CCDC146: variants seen among roughly 807,000 people sequenced by gnomAD.
CCDC146 encodes the protein coiled-coil domain-containing protein 146.
A neutral mutation model predicts 119.3 loss-of-function variants in CCDC146; 92 were observed. That is an observed-to-expected ratio of 0.77 (90% CI 0.65 to 0.92). CCDC146 has a LOEUF of 0.92. CCDC146 is among the 40% of genes least tolerant of loss of function. CCDC146 has a pLI of 0.00. For synonymous variants in CCDC146, 372 were observed against 371.8 expected (o/e 1.00, Z -0.01); for missense variants, 1,000 against 1,103.0 (o/e 0.91, Z 1.32).
At chr7:77,266,488 T>C (rs1793404912) in intron 9 of CCDC146, among the ~76,000 whole-genome samples, 1 of 152,174 alleles carries the variant, frequency 6.6e-6, no homozygotes, top group African/African-American at 2.4e-5. Flanking sequence ...AAAAAATGAG[T>C]GACTGCAAAT....
chr7:77,293,223 C>A, intron 18 of CCDC146, 23 bp downstream of exon 18: 1 of 1,609,854 alleles, frequency 6.2e-7, no homozygotes. Context: ...TCCTGTATTG[C>A]ATTTCTAAAG....
chr7:77,135,457 AAGAG>A (rs752064073), intron 1 of CCDC146, among the ~76,000 whole-genome samples: 5 of 152,122 alleles, frequency 3.3e-5, no homozygotes, highest in East Asian at 1.9e-4. Context: ...TGAAAAAAAA[AAGAG>A]AGAGAAAGAA....
At chr7:77,284,823 G>A (rs569784338) in intron 15 of CCDC146, among the ~76,000 whole-genome samples, 3 of 151,922 alleles carry the variant, frequency 2.0e-5, no homozygotes, top group African/African-American at 4.8e-5. Context: ...CTGCTCTACC[G>A]GAGTGAATTC....
Position 77,278,857 on chromosome 7 carries a change from G to A in CCDC146, c.1529+17G>A. 6.2e-7 allele frequency: 1 copy of A among 1,602,456 alleles called. No individual in the cohort carries two copies. The highest frequency in any genetic ancestry group is 1.7e-5 in the Admixed American group (1 of 59,538). ...TTATCGGAGGTAAAGTAATTATGTG[G>A]TGTTTTATCTACGTAGGTGAGGGGA... On this transcript the variant is annotated intron_variant, in intron 12 of 18. Transcript: ENST00000285871.
intron 5 of CCDC146, 112 bp downstream of exon 5, chr7:77,254,675 T>C: frequency 1.7e-6 from 1 of 589,022 alleles, no homozygotes; most frequent in South Asian, 2.3e-5. Flanking sequence ...TTAAAGACTC[T>C]AAAGTCTTAA....
At chr7:77,282,826 T>G in intron 15 of CCDC146, 41 bp downstream of exon 15, 1 of 1,420,544 alleles carries the variant, frequency 7.0e-7, no homozygotes. Context: ...GACCATTTAT[T>G]TTTTTCTGCC....
intron 2 of CCDC146, among the ~76,000 whole-genome samples, chr7:77,208,842 G>A (rs1022616169): frequency 6.6e-6 from 1 of 152,152 alleles, no homozygotes; most frequent in Non-Finnish European, 1.5e-5. Context: ...CAAGTAGCTG[G>A]CACTGCAGGC....
At chr7:77,212,465 C>G (rs1277027963) in intron 2 of CCDC146, among the ~76,000 whole-genome samples, 1 of 151,224 alleles carries the variant, frequency 6.6e-6, no homozygotes, top group Non-Finnish European at 1.5e-5. Context: ...ACTAAAAATA[C>G]AAAAAAACAG....
intron 14 of CCDC146, chr7:77,282,184 GGC>G (rs542537039): frequency 5.2e-6 from 1 of 190,596 alleles, no homozygotes; most frequent in African/African-American, 2.3e-5. Context: ...GTGTGCTTCT[GGC>G]CAGGCCTTGG....
At chr7:77,231,798 A>G (rs976161952) in intron 2 of CCDC146, among the ~76,000 whole-genome samples, 2 of 150,416 alleles carry the variant, frequency 1.3e-5, no homozygotes, top group Non-Finnish European at 3.0e-5. Context: ...TCCCTAAGAA[A>G]GTTTCTGCCT....
chr7:77,275,749 T>TC (rs1183375936), intron 11 of CCDC146, among the ~76,000 whole-genome samples: 1 of 151,786 alleles, frequency 6.6e-6, no homozygotes, highest in Non-Finnish European at 1.5e-5. Flanking sequence ...AGTGCAACAT[T>TC]CCCCCCTAAA....
At position 77,262,317 on chromosome 7, in the gene CCDC146, G is replaced by T; in HGVS notation, c.1173+10G>T. ...AAGGCTTCTATTAGAGGTGAGGGCT[G>T]TAAACTACCATCTGATTTTTAAGCT... On this transcript the variant is annotated intron_variant, in intron 9 of 18. Transcript: ENST00000285871. 6.6e-7 allele frequency: 1 copy of T among 1,505,444 alleles called. No individual in the cohort carries two copies. The highest frequency in any genetic ancestry group is 8.9e-7 in the Non-Finnish European group (1 of 1,123,716). The allele number at this position is 1,505,444 out of a possible 1,614,324, so 93.3% of individuals were successfully genotyped here.
At chr7:77,233,634 TAA>T (rs1176369572) in intron 2 of CCDC146, among the ~76,000 whole-genome samples, 1 of 152,186 alleles carries the variant, frequency 6.6e-6, no homozygotes, top group Non-Finnish European at 1.5e-5. Flanking sequence ...TACATTCTCC[TAA>T]GGAGTGCACA....
chr7:77,202,038 G>C (rs1360453649), intron 2 of CCDC146, among the ~76,000 whole-genome samples: 2 of 152,232 alleles, frequency 1.3e-5, no homozygotes, highest in Non-Finnish European at 2.9e-5. Flanking sequence ...AGTTAGTAAA[G>C]TATTTATTAA....
rs1381766693 is a variant in CCDC146, at chr7:77,160,598, G to A, written c.-11-7060G>A. 2.0e-5 allele frequency among the ~76,000 whole-genome samples: 3 copies of A among 152,282 alleles called. No homozygotes were observed. In the East Asian group the frequency reaches 5.8e-4, roughly 29 times the overall value. On this transcript the variant is annotated intron_variant, in intron 1 of 18. Coordinates refer to ENST00000285871, the MANE Select transcript of CCDC146 (RefSeq NM_020879.3). ...CTATTATTGGTGTATAGGAATGCTT[G>A]TGATTTTTGCACATTGATTTTGTAT...
At chr7:77,292,320 TA>T (rs1793961430) in intron 17 of CCDC146, among the ~76,000 whole-genome samples, 3 of 112,768 alleles carry the variant, frequency 2.7e-5, no homozygotes. Flanking sequence ...TTTTTTTTTT[TA>T]AAGAACATCC....
In CCDC146 at chr7:77,147,986, C is replaced by T. The variant is rs150349958; in HGVS notation, c.-11-19672C>T. 7.1e-3 allele frequency among the ~76,000 whole-genome samples: 1,089 copies of T among 152,312 alleles called. 19 individuals are homozygous for T. Among genetic ancestry groups the T allele is most frequent in the African/African-American group, 0.025 (1,045 of 41,586 alleles). ...GCAGAGGTTTCTGCTGCCTTTTGTT[C>T]GGCTATGCCCTGCCCCTAGAGGTGG... On this transcript the variant is annotated intron_variant, in intron 1 of 18. Transcript: ENST00000285871.
At chr7:77,262,363 A>C (rs1793317108) in intron 9 of CCDC146, 56 bp downstream of exon 9, 1 of 1,394,638 alleles carries the variant, frequency 7.2e-7, no homozygotes, top group Non-Finnish European at 9.6e-7. Context: ...TTTTGAAGTA[A>C]AAATATTTTA....
chr7:77,274,640 C>A lies in CCDC146; in HGVS notation c.1428C>A (p.Phe476Leu), dbSNP rs1190368431. Residue 476 changes from phenylalanine (F) to leucine (L), a missense_variant, in exon 11 of 19, where the codon TTC becomes TTA. Phe to Leu is a conservative substitution (Grantham distance 22). Coordinates refer to ENST00000285871, the MANE Select transcript of CCDC146 (RefSeq NM_020879.3). ...AAAAGGAACAAAAGTCCAAGGATTT[C>A]CTGAAAGCTCAGGTAACTGCATTTT... ...IDEKEQKSKD[F>L]LKAQQKYTNI... 1 of 1,608,206 alleles carries A rather than the reference C, an allele frequency of 6.2e-7. No individual in the cohort carries two copies. The highest frequency in any genetic ancestry group is 8.5e-7 in the Non-Finnish European group (1 of 1,178,264).
Sources: gnomAD v4.1 joint callset for allele counts (sites outside exome capture counted in the v4.1 genomes callset) on GRCh38, gnomAD v4.1.1 for gene constraint, MANE v1.5 for transcripts, NCBI Gene and HGNC (gene_info 2026-07-23, HGNC 2026-07-21) for gene names.